The following FAM174B variants were observed in gnomAD, a reference collection of about 807,000 sequenced individuals.
FAM174B encodes the protein family with sequence similarity 174 member B.
FAM174B carries 12 observed loss-of-function variants against 10.9 expected under a neutral mutation model. That is an observed-to-expected ratio of 1.10 (90% CI 0.71 to 1.79). The LOEUF (loss-of-function observed/expected upper bound fraction) is 1.79, where lower values mean the gene tolerates loss of function less well. FAM174B is among the 40% of genes most tolerant of loss of function. The pLI is 0.00. For synonymous variants in FAM174B, 132 were observed against 115.8 expected (o/e 1.14, Z -0.90); for missense variants, 266 against 233.3 (o/e 1.14, Z -0.91).
intron 1 of FAM174B, among the ~76,000 whole-genome samples, chr15:92,653,906 C>A (rs930332206): frequency 3.3e-5 from 5 of 152,214 alleles, no homozygotes; most frequent in African/African-American, 1.2e-4. Context: ...CCAGGTATTG[C>A]CATGCCTAGG....
chr15:92,635,769 T>C (rs1355469034), intron 1 of FAM174B, among the ~76,000 whole-genome samples: 3 of 151,888 alleles, frequency 2.0e-5, no homozygotes, highest in Non-Finnish European at 2.9e-5. Flanking sequence ...TTAGTAGAGA[T>C]GGGTTTTCGC....
chr15:92,643,888 A>T (rs1453259675), intron 1 of FAM174B, among the ~76,000 whole-genome samples: 1 of 152,230 alleles, frequency 6.6e-6, no homozygotes, highest in Non-Finnish European at 1.5e-5. Flanking sequence ...ATTTGGAAAA[A>T]GTAATCAAGA....
chr15:92,627,624 G>A (rs543829068), intron 2 of FAM174B, among the ~76,000 whole-genome samples: 1 of 152,284 alleles, frequency 6.6e-6, no homozygotes, highest in African/African-American at 2.4e-5. Context: ...GTGGGATGTG[G>A]AGACACCACA....
At position 92,619,183 on chromosome 15, in the gene FAM174B, A is replaced by G. The variant is rs1294716710; in HGVS notation, c.*273T>C. ...ACCCTTTGCTCCTTAGCAAGGCACA[A>G]AGCCTCTTACATGGGGAGTAGAAGT... On this transcript the variant is annotated 3_prime_UTR_variant, in exon 3 of 3. Coordinates refer to ENST00000327355, the MANE Select transcript of FAM174B (RefSeq NM_207446.3). The G allele has an allele frequency of 1.4e-6, 1 of 702,392 alleles. No individual in the cohort carries two copies. The highest frequency in any genetic ancestry group is 2.0e-5 in the Admixed American group (1 of 50,008). 43.5% of individuals were successfully genotyped at this position (702,392 alleles called of 1,614,324 possible).
chr15:92,631,268 T>TTA lies in FAM174B; in HGVS notation c.345-925_345-924dup, dbSNP rs1263603271. ...TATATTATATATAATATATTATATA[T>TTA]TATATTATATATAATATATTATATA... On this transcript the variant is annotated intron_variant, in intron 1 of 2. Coordinates refer to ENST00000327355, the MANE Select transcript of FAM174B (RefSeq NM_207446.3). Among the ~76,000 whole-genome samples, 18 of 7,090 alleles carry TTA rather than the reference T, an allele frequency of 2.5e-3. 2 individuals carry two copies. The highest frequency in any genetic ancestry group is 0.013 in the African/African-American group (16 of 1,206). 4.7% of individuals were successfully genotyped at this position (7,090 alleles called of 152,430 possible). A position where few individuals can be genotyped will look rare whatever the true frequency, so the allele number is the denominator to read the frequency against.
rs1411758335 is a variant in FAM174B at position 92,617,823 on chromosome 15, A to G, written c.*1633T>C. 1 of 503,402 alleles carries G rather than the reference A, an allele frequency of 2.0e-6. No homozygotes were observed. The highest frequency in any genetic ancestry group is 2.0e-5 in the African/African-American group (1 of 49,808). The allele number at this position is 503,402 out of a possible 1,614,324, so 31.2% of individuals were successfully genotyped here. A position where few individuals can be genotyped will look rare whatever the true frequency, so the allele number is the denominator to read the frequency against. ...CAGATGGGGGAAAACAGAGAAGGAA[A>G]GTCAACAAAGAAGGTGAAATGCAGG... On this transcript the variant is annotated 3_prime_UTR_variant, in exon 3 of 3. Transcript: ENST00000327355.
At chr15:92,652,209 A>T (rs1175067069) in intron 1 of FAM174B, among the ~76,000 whole-genome samples, 1 of 152,214 alleles carries the variant, frequency 6.6e-6, no homozygotes, top group Non-Finnish European at 1.5e-5. Context: ...TGCTCAGAAG[A>T]AGTTCGGTGG....
intron 1 of FAM174B, among the ~76,000 whole-genome samples, chr15:92,644,913 T>G (rs2050916144): frequency 6.6e-6 from 1 of 152,230 alleles, no homozygotes; most frequent in African/African-American, 2.4e-5. Flanking sequence ...AAATCTAGAT[T>G]TTTATATAAA....
intron 2 of FAM174B, among the ~76,000 whole-genome samples, chr15:92,621,707 C>G (rs2050720630): frequency 6.6e-6 from 1 of 152,134 alleles, no homozygotes. Flanking sequence ...CAAGCCATGT[C>G]CAAGTTGTGC....
intron 2 of FAM174B, among the ~76,000 whole-genome samples, chr15:92,624,536 C>T (rs1019600003): frequency 9.9e-5 from 15 of 152,232 alleles, no homozygotes; most frequent in African/African-American, 3.6e-4. Flanking sequence ...TCCCATACTC[C>T]CTGCCTACCC....
At chr15:92,646,371 C>A (rs544203303) in intron 1 of FAM174B, among the ~76,000 whole-genome samples, 1 of 152,318 alleles carries the variant, frequency 6.6e-6, no homozygotes, top group South Asian at 2.1e-4. Context: ...TCCTCCCCTT[C>A]CCCAGCTGCT....
intron 2 of FAM174B, chr15:92,627,408 T>C (rs928787653): frequency 2.9e-5 from 5 of 170,222 alleles, no homozygotes; most frequent in African/African-American, 1.2e-4. Context: ...GCTGTGGAAG[T>C]TTCTTAATGT....
chr15:92,645,048 T>C (rs1036816125), intron 1 of FAM174B, among the ~76,000 whole-genome samples: 16 of 152,240 alleles, frequency 1.1e-4, no homozygotes, highest in Non-Finnish European at 1.8e-4. Flanking sequence ...CATCTCTGAC[T>C]TGGTTCTCTG....
chr15:92,619,585 G>A, intron 2 of FAM174B, 126 bp from the exon 3 acceptor site: 2 of 1,103,618 alleles, frequency 1.8e-6, no homozygotes, highest in Non-Finnish European at 2.6e-6. Context: ...CCCAGCCACA[G>A]GACCTTTGAG....
intron 1 of FAM174B, among the ~76,000 whole-genome samples, chr15:92,644,117 T>C (rs1267684742): frequency 3.3e-5 from 5 of 152,028 alleles, no homozygotes; most frequent in African/African-American, 4.8e-5. Flanking sequence ...CTTGAAGAAA[T>C]GAAGAACATG....
In FAM174B at chr15:92,646,786, A is replaced by G. The variant is rs919449314; in HGVS notation, c.344+8530T>C. 2.6e-5 allele frequency among the ~76,000 whole-genome samples: 4 copies of G among 152,314 alleles called. No individual in the cohort carries two copies. The East Asian group carries it at 7.7e-4, about 29-fold the overall frequency. On this transcript the variant is annotated intron_variant, in intron 1 of 2. Coordinates refer to ENST00000327355, the MANE Select transcript of FAM174B (RefSeq NM_207446.3). ...TTTTAGACAATAACTTAACTCTTTCAACCAACTGCCAATCAGAAAATCTGT... is the reference window on the plus strand; with the variant it reads ...TTTTAGACAATAACTTAACTCTTTCGACCAACTGCCAATCAGAAAATCTGT...
intron 1 of FAM174B, among the ~76,000 whole-genome samples, chr15:92,649,691 T>G (rs2050952049): frequency 6.6e-6 from 1 of 152,196 alleles, no homozygotes; most frequent in Non-Finnish European, 1.5e-5. Context: ...GCCGAGATTC[T>G]CGGCATCTCT....
At chr15:92,641,599 A>G (rs1410142227) in intron 1 of FAM174B, among the ~76,000 whole-genome samples, 1 of 152,236 alleles carries the variant, frequency 6.6e-6, no homozygotes, top group East Asian at 1.9e-4. Flanking sequence ...GCAAAAGAAT[A>G]AAGTTGGACT....
At chr15:92,637,473 A>G (rs983157754) in intron 1 of FAM174B, among the ~76,000 whole-genome samples, 11 of 152,208 alleles carry the variant, frequency 7.2e-5, no homozygotes, top group African/African-American at 2.7e-4. Context: ...AGCAAACCTT[A>G]ACTGCCTCGA....
Sources: gnomAD v4.1 joint callset for allele counts (sites outside exome capture counted in the v4.1 genomes callset) on GRCh38, gnomAD v4.1.1 for gene constraint, MANE v1.5 for transcripts, NCBI Gene and HGNC (gene_info 2026-07-23, HGNC 2026-07-21) for gene names.